VPS13C: variants seen among roughly 807,000 people sequenced by gnomAD.
VPS13C encodes intermembrane lipid transfer protein VPS13C.
Under a neutral mutation model 456.8 loss-of-function variants are expected in VPS13C, and 358 were observed. The ratio of observed to expected loss-of-function variants is 0.78; its 90% CI spans 0.72 to 0.86. The LOEUF (loss-of-function observed/expected upper bound fraction) is 0.86. Among genes scored for constraint, VPS13C ranks in the 40% least tolerant of loss-of-function variants. The probability of loss-of-function intolerance (pLI) is 0.00; values close to 1 mark genes in which losing one functional copy is unlikely to be tolerated. For synonymous variants in VPS13C, 1,578 were observed against 1,486.7 expected (o/e 1.06, Z -1.41); for missense variants, 4,818 against 4,385.4 (o/e 1.10, Z -2.79).
chr15:61,959,302 T>C (rs962661435), intron 36 of VPS13C, 146 bp downstream of exon 36: 3 of 664,384 alleles, frequency 4.5e-6, no homozygotes, highest in Non-Finnish European at 7.0e-6. Flanking sequence ...CTACTGAAAA[T>C]AATAATGATC....
intron 4 of VPS13C, among the ~76,000 whole-genome samples, chr15:62,033,827 CAGAA>C (rs930401215): frequency 2.0e-5 from 3 of 151,336 alleles, no homozygotes; most frequent in Non-Finnish European, 4.4e-5. Flanking sequence ...GAAGTAGAAA[CAGAA>C]GGAAGACAGC....
At chr15:61,897,037 G>C (rs1276182629) in intron 66 of VPS13C, among the ~76,000 whole-genome samples, 1 of 152,000 alleles carries the variant, frequency 6.6e-6, no homozygotes, top group Non-Finnish European at 1.5e-5. Context: ...CTGCAGCTGA[G>C]GGTCCTGTCT....
At chr15:61,993,568 G>A (rs2046289943) in intron 16 of VPS13C, among the ~76,000 whole-genome samples, 2 of 152,014 alleles carry the variant, frequency 1.3e-5, no homozygotes, top group East Asian at 3.9e-4. Flanking sequence ...TTAAAGGTGT[G>A]ATCAGCATGC....
intron 11 of VPS13C, 95 bp from the exon 12 acceptor site, chr15:62,012,259 A>C (rs1596474742): frequency 2.0e-6 from 1 of 498,758 alleles, no homozygotes; most frequent in Non-Finnish European, 3.4e-6. Context: ...CACACACACA[A>C]AGCTTGGTTC....
Position 61,962,797 on chromosome 15 carries a change from T to C in VPS13C, c.3387A>G (p.Leu1129=). The change falls in exon 33 of 85, where the codon CTA becomes CTG. Residue 1129 remains leucine, a synonymous_variant. Transcript: ENST00000644861. The part of the protein sequence containing the change: ...QSRKQSLFAR[L]ENIIVTDVDP... ...CAACATCTGTGACAATAATATTTTC[T>C]AGTCGGGCAAAAAGTGACTGCTTTC... 6.2e-7 allele frequency: 1 copy of C among 1,608,036 alleles called. No homozygotes were observed. Among genetic ancestry groups the C allele is most frequent in the Non-Finnish European group, 8.5e-7 (1 of 1,176,330 alleles).
At chr15:61,933,238 C>T (rs2044120088) in intron 49 of VPS13C, among the ~76,000 whole-genome samples, 1 of 151,834 alleles carries the variant, frequency 6.6e-6, no homozygotes, top group South Asian at 2.1e-4. Flanking sequence ...AATGATGGTA[C>T]CAAGTAAAAT....
chr15:62,035,845 T>C (rs768427787), intron 3 of VPS13C, among the ~76,000 whole-genome samples: 1 of 152,042 alleles, frequency 6.6e-6, no homozygotes, highest in Non-Finnish European at 1.5e-5. Flanking sequence ...ATGACACAGA[T>C]GAACTATGGC....
chr15:61,890,017 A>C (rs949080450), intron 67 of VPS13C, 148 bp downstream of exon 67: 2 of 700,568 alleles, frequency 2.9e-6, no homozygotes, highest in Admixed American at 5.8e-5. Flanking sequence ...TTCAACTAAC[A>C]GTTCAAAGAA....
intron 9 of VPS13C, among the ~76,000 whole-genome samples, chr15:62,015,273 G>C (rs8027343): frequency 0.079 from 11,985 of 152,048 alleles, 996 homozygotes; most frequent in African/African-American, 0.21. Context: ...AACAGGCAAA[G>C]GATAAACTAG....
intron 1 of VPS13C, among the ~76,000 whole-genome samples, chr15:62,056,242 A>G (rs993426969): frequency 6.6e-6 from 1 of 152,244 alleles, no homozygotes; most frequent in Non-Finnish European, 1.5e-5. Flanking sequence ...TAGTTATACC[A>G]TATAGATCTT....
At chr15:62,023,621 C>T (rs1054273639) in intron 7 of VPS13C, 101 bp from the exon 8 acceptor site, 3 of 1,120,930 alleles carry the variant, frequency 2.7e-6, no homozygotes, top group Admixed American at 2.7e-5. Flanking sequence ...ATGGAAATTA[C>T]AGCCAATAGT....
intron 66 of VPS13C, among the ~76,000 whole-genome samples, chr15:61,894,709 C>A (rs538347492): frequency 7.8e-4 from 118 of 152,042 alleles, no homozygotes; most frequent in South Asian, 2.1e-3. Flanking sequence ...ATATATGTAC[C>A]CAACACCAGA....
chr15:61,929,898 TC>T (rs1324500279), intron 50 of VPS13C, 150 bp from the exon 51 acceptor site: 2 of 790,330 alleles, frequency 2.5e-6, no homozygotes, highest in Non-Finnish European at 3.9e-6. Flanking sequence ...ATCTAATTTA[TC>T]CATTAGTAAA....
chr15:61,854,681 T>C, intron 84 of VPS13C, 123 bp from the exon 85 acceptor site: 4 of 1,116,936 alleles, frequency 3.6e-6, no homozygotes, highest in Non-Finnish European at 5.4e-6. Flanking sequence ...GGACCAAGGA[T>C]ACAGTCCAGA....
At chr15:62,058,463 A>G (rs1489356368) in intron 1 of VPS13C, among the ~76,000 whole-genome samples, 1 of 152,220 alleles carries the variant, frequency 6.6e-6, no homozygotes. Flanking sequence ...TCGGGGGGAA[A>G]AAATAAAAAG....
chr15:61,943,977 A>G (rs141224457), intron 45 of VPS13C, among the ~76,000 whole-genome samples: 62 of 152,248 alleles, frequency 4.1e-4, no homozygotes, highest in African/African-American at 1.4e-3. Context: ...AACTGGGCAA[A>G]AGACATGAAC....
Position 62,013,128 on chromosome 15 carries a change from GA to G in VPS13C, c.745-10del. The G allele has an allele frequency of 6.3e-7, 1 of 1,583,780 alleles. No individual in the cohort carries two copies. Among genetic ancestry groups the G allele is most frequent in the Non-Finnish European group, 8.6e-7 (1 of 1,164,604 alleles). Reference sequence around the variant, plus strand: ...CTATCAAGTCGTATAAGCTATAAGAGAAAAATGAAAGAGATCAGGCAATCAA... The same window carrying G: ...CTATCAAGTCGTATAAGCTATAAGAGAAAATGAAAGAGATCAGGCAATCAA... On this transcript the variant is annotated splice_polypyrimidine_tract_variant and intron_variant, in intron 10 of 84. Transcript: ENST00000644861.
At chr15:61,974,553 T>G in intron 24 of VPS13C, 136 bp from the exon 25 acceptor site, 1 of 831,886 alleles carries the variant, frequency 1.2e-6, no homozygotes, top group Non-Finnish European at 1.7e-6. Context: ...ATGCCTCATT[T>G]AGACAACATT....
rs750452798 is a variant in VPS13C at position 62,007,496 on chromosome 15, G to C, written c.1119-17C>G. Reference sequence around the variant, plus strand: ...TATTTCCACCTGAAAATCAAATTTTGTTAACGTAAATGTTAATATAAAGGT... The same window carrying C: ...TATTTCCACCTGAAAATCAAATTTTCTTAACGTAAATGTTAATATAAAGGT... On this transcript the variant is annotated splice_polypyrimidine_tract_variant and intron_variant, in intron 14 of 84. Transcript: ENST00000644861. 1 of 1,543,938 alleles carries C rather than the reference G, an allele frequency of 6.5e-7. No homozygotes were observed. Among genetic ancestry groups the C allele is most frequent in the Non-Finnish European group, 8.7e-7 (1 of 1,146,744 alleles).
Sources: gnomAD v4.1 joint callset for allele counts (sites outside exome capture counted in the v4.1 genomes callset) on GRCh38, gnomAD v4.1.1 for gene constraint, MANE v1.5 for transcripts, NCBI Gene and HGNC (gene_info 2026-07-23, HGNC 2026-07-21) for gene names.